RANBP9: variants seen among roughly 807,000 people sequenced by gnomAD.
RANBP9 encodes the protein RAN binding protein 9, also known as ran-binding protein 9.
In RANBP9, 15 loss-of-function variants were observed where a neutral mutation model predicts 84.3. The ratio of observed to expected loss-of-function variants is 0.18; its 90% CI spans 0.12 to 0.27. The LOEUF (loss-of-function observed/expected upper bound fraction) is 0.27, where lower values mean the gene tolerates loss of function less well. Ranked by LOEUF, RANBP9 falls within the 10% of genes least tolerant of loss-of-function variation. The probability of loss-of-function intolerance (pLI) is 1.00; values close to 1 mark genes in which losing one functional copy is unlikely to be tolerated. For synonymous variants in RANBP9, 392 were observed against 349.6 expected (o/e 1.12, Z -1.35); for missense variants, 809 against 912.8 (o/e 0.89, Z 1.46).
In RANBP9 at chr6:13,711,216, G is replaced by T. The variant is rs1035967311; in HGVS notation, c.290C>A (p.Ala97Asp). 7 of 1,118,988 alleles carry T rather than the reference G, an allele frequency of 6.3e-6. No individual in the cohort carries two copies. Among genetic ancestry groups the T allele is most frequent in the Non-Finnish European group, 6.6e-6 (6 of 909,972 alleles). The allele number at this position is 1,118,988 out of a possible 1,614,324, so 69.3% of individuals were successfully genotyped here. Reference protein sequence around the residue: ...PPPPPPASAAAPASGPPAPPG... With the variant: ...PPPPPPASAADPASGPPAPPG... ...GGGAGCGGGCGGCCCGCTGGCGGGG[G>T]CAGCCGCTGAGGCAGGGGGAGGCGG... Residue 97 changes from alanine to aspartate, a missense_variant, in exon 1 of 14, where the codon GCC becomes GAC. By Grantham distance (126) the Ala-to-Asp change is moderately radical. Coordinates refer to ENST00000011619, the MANE Select transcript of RANBP9 (RefSeq NM_005493.3).
chr6:13,689,398 G>A (rs1766272362), intron 2 of RANBP9, among the ~76,000 whole-genome samples: 1 of 151,698 alleles, frequency 6.6e-6, no homozygotes, highest in Non-Finnish European at 1.5e-5. Flanking sequence ...GGCTCCCCAA[G>A]TAGATGTGAC....
chr6:13,622,309 C>T lies in RANBP9; in HGVS notation c.*53G>A. On this transcript the variant is annotated 3_prime_UTR_variant, in exon 14 of 14. Transcript: ENST00000011619. Reference sequence around the variant, plus strand: ...ATTTCAAATCAGCAGAGCTGGTCTACTTCCATGTTGACTATATGCCACAAT... The same window carrying T: ...ATTTCAAATCAGCAGAGCTGGTCTATTTCCATGTTGACTATATGCCACAAT... The T allele has an allele frequency of 7.1e-7, 1 of 1,418,218 alleles. No homozygotes were observed. The highest frequency in any genetic ancestry group is 9.3e-7 in the Non-Finnish European group (1 of 1,075,944). The allele number at this position is 1,418,218 out of a possible 1,614,324, so 87.9% of individuals were successfully genotyped here.
At chr6:13,663,414 T>TA (rs1765577596) in intron 2 of RANBP9, among the ~76,000 whole-genome samples, 1 of 151,998 alleles carries the variant, frequency 6.6e-6, no homozygotes, top group African/African-American at 2.4e-5. Flanking sequence ...AACCTACACT[T>TA]AAAAAAATGC....
chr6:13,692,539 A>AC lies in RANBP9; in HGVS notation c.683+4245_683+4246insG, dbSNP rs1428215993. Among the ~76,000 whole-genome samples, 9 of 147,082 alleles carry AC rather than the reference A, an allele frequency of 6.1e-5. No individual in the cohort carries two copies. The South Asian group carries it at 8.5e-4, about 14-fold the overall frequency. On this transcript the variant is annotated intron_variant, in intron 2 of 13. Coordinates refer to ENST00000011619, the MANE Select transcript of RANBP9 (RefSeq NM_005493.3). ...CGAAACTCCGTCTCAAAAAAAAAAA[A>AC]AAAAAAAAAAAAAAACACAAAAAAC...
At chr6:13,694,394 G>C (rs1356545518) in intron 2 of RANBP9, among the ~76,000 whole-genome samples, 1 of 152,154 alleles carries the variant, frequency 6.6e-6, no homozygotes, top group Non-Finnish European at 1.5e-5. Flanking sequence ...AAAGATACCA[G>C]ACTTAAAAGG....
At chr6:13,672,047 G>A (rs1765789707) in intron 2 of RANBP9, among the ~76,000 whole-genome samples, 1 of 152,190 alleles carries the variant, frequency 6.6e-6, no homozygotes, top group Non-Finnish European at 1.5e-5. Context: ...GTAGCAAACT[G>A]CTGGAGACTG....
intron 1 of RANBP9, among the ~76,000 whole-genome samples, chr6:13,706,466 G>A (rs919466038): frequency 1.3e-5 from 2 of 152,318 alleles, no homozygotes; most frequent in African/African-American, 2.4e-5. Flanking sequence ...AGGGCGAGGC[G>A]GGCAGATCAC....
In RANBP9 at chr6:13,681,970, T is replaced by G. The variant is rs577275099; in HGVS notation, c.683+14815A>C. ...ACCTCCCAGGCTCAAGCGATTCTCC[T>G]GCCTCAGCCTCCTGAGTAGTAGCTG... is the stretch of plus-strand genomic sequence containing the variant. On this transcript the variant is annotated intron_variant, in intron 2 of 13. Transcript: ENST00000011619. 1.8e-4 allele frequency among the ~76,000 whole-genome samples: 28 copies of G among 152,186 alleles called. No individual in the cohort carries two copies. The East Asian group carries it at 4.1e-3, about 22-fold the overall frequency.
At chr6:13,643,400 CACT>C (rs1292069871) in intron 6 of RANBP9, among the ~76,000 whole-genome samples, 1 of 152,200 alleles carries the variant, frequency 6.6e-6, no homozygotes, top group African/African-American at 2.4e-5. Context: ...CTCCACCTGA[CACT>C]ACTAAGGGCC....
intron 2 of RANBP9, among the ~76,000 whole-genome samples, chr6:13,674,870 A>G (rs980417819): frequency 3.3e-5 from 5 of 152,080 alleles, no homozygotes; most frequent in Non-Finnish European, 7.4e-5. Context: ...TTTCATTTCT[A>G]TGTCTGTCCC....
At chr6:13,661,881 T>C (rs11967407) in intron 2 of RANBP9, among the ~76,000 whole-genome samples, 9 of 152,122 alleles carry the variant, frequency 5.9e-5, no homozygotes, top group African/African-American at 1.9e-4. Context: ...TTCAGACTTC[T>C]CCCCAGCAAC....
At chr6:13,694,104 TG>T (rs1766386897) in intron 2 of RANBP9, among the ~76,000 whole-genome samples, 1 of 152,186 alleles carries the variant, frequency 6.6e-6, no homozygotes, top group Non-Finnish European at 1.5e-5. Flanking sequence ...AGCCACTTTG[TG>T]AAACAATTTG....
chr6:13,689,776 A>C (rs547586514), intron 2 of RANBP9, among the ~76,000 whole-genome samples: 1 of 152,284 alleles, frequency 6.6e-6, no homozygotes, highest in South Asian at 2.1e-4. Flanking sequence ...TCCTGTATAA[A>C]TATTTCCTTG....
intron 2 of RANBP9, among the ~76,000 whole-genome samples, chr6:13,660,806 T>C (rs1399675880): frequency 6.6e-6 from 1 of 152,204 alleles, no homozygotes; most frequent in Non-Finnish European, 1.5e-5. Flanking sequence ...CACATAGATG[T>C]CTAGTCAAGA....
intron 2 of RANBP9, among the ~76,000 whole-genome samples, chr6:13,677,446 T>G (rs1765918416): frequency 6.6e-6 from 1 of 152,206 alleles, no homozygotes. Context: ...TATAAGTTAC[T>G]GACACAGTAA....
chr6:13,684,465 A>C (rs974095043), intron 2 of RANBP9, among the ~76,000 whole-genome samples: 1 of 152,222 alleles, frequency 6.6e-6, no homozygotes, highest in Admixed American at 6.5e-5. Context: ...CAATTACTAC[A>C]ATTGTTCTTC....
intron 9 of RANBP9, among the ~76,000 whole-genome samples, chr6:13,638,270 T>G (rs747523949): frequency 6.6e-6 from 1 of 152,148 alleles, no homozygotes; most frequent in Non-Finnish European, 1.5e-5. Flanking sequence ...TATCCAAGCC[T>G]GAAGTGACTG....
rs1420284642 is a variant in RANBP9, at chr6:13,711,162, G to A, written c.344C>T (p.Ala115Val). The change falls in exon 1 of 14, where the codon GCT (alanine) becomes GTT (valine). Residue 115 changes from alanine to valine, a missense_variant. Coordinates refer to ENST00000011619, the MANE Select transcript of RANBP9 (RefSeq NM_005493.3). ...PPGLAAGPGP[A>V]GGAPTPALVA... is the part of the protein sequence containing the mutation. ...CAGAGCTGGGGTCGGGGCTCCTCCA[G>A]CCGGGCCGGGGCCCGCTGCAAGGCC... 2.9e-5 allele frequency: 43 copies of A among 1,466,840 alleles called. No individual in the cohort carries two copies. Among genetic ancestry groups the A allele is most frequent in the Non-Finnish European group, 3.8e-5 (42 of 1,111,996 alleles). The allele number at this position is 1,466,840 out of a possible 1,614,324, so 90.9% of individuals were successfully genotyped here. A position where few individuals can be genotyped will look rare whatever the true frequency, so the allele number is the denominator to read the frequency against.
intron 2 of RANBP9, among the ~76,000 whole-genome samples, chr6:13,666,814 TATTTTACCTTGAAAAAC>T (rs1316370277): frequency 1.3e-5 from 2 of 151,740 alleles, no homozygotes; most frequent in African/African-American, 4.8e-5. Context: ...AGAAAGTGAG[TATTTTACCTTGAAAAAC>T]ACCTAAGTTT....
Sources: gnomAD v4.1 joint callset for allele counts (sites outside exome capture counted in the v4.1 genomes callset) on GRCh38, gnomAD v4.1.1 for gene constraint, MANE v1.5 for transcripts, NCBI Gene and HGNC (gene_info 2026-07-23, HGNC 2026-07-21) for gene names.